JPT2: variants seen among roughly 807,000 people sequenced by gnomAD.
The protein encoded by JPT2 is CRAMP_1 like.
In JPT2, 9 loss-of-function variants were observed where a neutral mutation model predicts 15.9. That is an observed-to-expected ratio of 0.57 (90% CI 0.34 to 0.99). JPT2 has a LOEUF of 0.99. Among genes scored for constraint, JPT2 ranks in the 50% least tolerant of loss-of-function variants. The probability of loss-of-function intolerance (pLI) is 0.02; values close to 1 mark genes in which losing one functional copy is unlikely to be tolerated. For missense variants in JPT2, 267 were observed against 252.1 expected, an observed-to-expected ratio of 1.06 and a Z score of -0.40; for synonymous variants, 95 against 91.7, an observed-to-expected ratio of 1.04 and a Z score of -0.21.
intron 3 of JPT2, among the ~76,000 whole-genome samples, chr16:1,696,944 G>A (rs887718396): frequency 1.3e-5 from 2 of 152,184 alleles, no homozygotes; most frequent in African/African-American, 2.4e-5. Flanking sequence ...CCATATGACC[G>A]AATAATTCCA....
Position 1,699,227 on chromosome 16 carries a change from C to G in JPT2, c.*229C>G, listed in dbSNP as rs1329219931. ...AAATGGGGCACCCCTGGCCATCACT[C>G]ATGTGTAGTCCAGGTTTGAGAGGAA... On this transcript the variant is annotated 3_prime_UTR_variant, in exon 5 of 5. Coordinates refer to ENST00000248098, the MANE Select transcript of JPT2 (RefSeq NM_144570.3). 2 of 650,956 alleles carry G rather than the reference C, an allele frequency of 3.1e-6. No individual in the cohort carries two copies. Among genetic ancestry groups the G allele is most frequent in the East Asian group, 6.1e-5 (2 of 32,782 alleles). The allele number at this position is 650,956 out of a possible 1,614,324, so 40.3% of individuals were successfully genotyped here.
chr16:1,687,510 C>T (rs558050946), intron 2 of JPT2, among the ~76,000 whole-genome samples: 1 of 152,294 alleles, frequency 6.6e-6, no homozygotes, highest in East Asian at 1.9e-4. Context: ...TGAATCTGCT[C>T]ATTTGGCCCC....
chr16:1,692,323 C>T (rs945553920), intron 3 of JPT2: 5 of 296,152 alleles, frequency 1.7e-5, no homozygotes, highest in Admixed American at 9.6e-5. Context: ...GGCCCTTGTC[C>T]GTCTTCCACT....
chr16:1,683,600 A>G (rs1042532151), intron 1 of JPT2: 3 of 1,534,580 alleles, frequency 2.0e-6, no homozygotes, highest in Non-Finnish European at 2.6e-6. Context: ...GAGGTCGGCC[A>G]GCACACGCTT....
At chr16:1,680,469 A>G (rs7200097) in intron 1 of JPT2, 98,751 of 1,243,780 alleles carry the variant, frequency 0.079, 4,328 homozygotes, top group African/African-American at 0.16. Context: ...GATGGTGAGG[A>G]AGGAAAGCCG....
chr16:1,680,949 A>G (rs2037017849), intron 1 of JPT2, among the ~76,000 whole-genome samples: 1 of 152,178 alleles, frequency 6.6e-6, no homozygotes, highest in Non-Finnish European at 1.5e-5. Context: ...CCAGTGCTGC[A>G]GTCCACTCCA....
intron 3 of JPT2, among the ~76,000 whole-genome samples, chr16:1,693,753 A>G (rs1299487215): frequency 6.6e-6 from 1 of 151,762 alleles, no homozygotes; most frequent in Non-Finnish European, 1.5e-5. Context: ...GTCAGGGAAT[A>G]TACAAAATAA....
chr16:1,679,074 C>A (rs1487376679), intron 1 of JPT2, among the ~76,000 whole-genome samples: 1 of 152,208 alleles, frequency 6.6e-6, no homozygotes, highest in Non-Finnish European at 1.5e-5. Flanking sequence ...ACTGAGCACA[C>A]TTTTCTTATG....
chr16:1,688,250 AG>A (rs1234601666), intron 2 of JPT2: 1 of 152,228 alleles, frequency 6.6e-6, no homozygotes, highest in East Asian at 1.9e-4. Context: ...ATCCCAAGCT[AG>A]TCAGTAGCAG....
rs1012871249 is a variant in JPT2, at chr16:1,700,791, C to T, written c.*1793C>T. ...TATTGAGAAAATGATTCACGAATTC[C>T]AAATCAGATTGCCAGGAAGAAATAG... On this transcript the variant is annotated 3_prime_UTR_variant, in exon 5 of 5. Transcript: ENST00000248098. 1.3e-5 allele frequency: 2 copies of T among 152,346 alleles called. No individual in the cohort carries two copies. The highest frequency in any genetic ancestry group is 4.8e-5 in the African/African-American group (2 of 41,402). The allele number at this position is 152,346 out of a possible 1,614,324, so 9.4% of individuals were successfully genotyped here.
At chr16:1,678,472 A>C in intron 1 of JPT2, 116 bp downstream of exon 1, 1 of 1,044,484 alleles carries the variant, frequency 9.6e-7, no homozygotes, top group South Asian at 4.8e-5. Context: ...GGGCAGGGCG[A>C]CCTCACAGAG....
intron 2 of JPT2, among the ~76,000 whole-genome samples, chr16:1,687,912 AT>A (rs1395828271): frequency 6.6e-6 from 1 of 152,152 alleles, no homozygotes; most frequent in Non-Finnish European, 1.5e-5. Flanking sequence ...GCAGGGCTTG[AT>A]TGAGAAAAGT....
At chr16:1,678,548 G>A (rs1277993440) in intron 1 of JPT2, among the ~76,000 whole-genome samples, 192 bp downstream of exon 1, 1 of 152,120 alleles carries the variant, frequency 6.6e-6, no homozygotes, top group East Asian at 1.9e-4. Context: ...CCGAGGGGCC[G>A]CTCGCTGAGG....
At chr16:1,684,437 T>C (rs2037048368) in intron 1 of JPT2, among the ~76,000 whole-genome samples, 1 of 152,146 alleles carries the variant, frequency 6.6e-6, no homozygotes, top group Non-Finnish European at 1.5e-5. Flanking sequence ...GTTTAAGTTT[T>C]TACAATAAAA....
chr16:1,680,344 C>G, intron 1 of JPT2: 1 of 1,001,744 alleles, frequency 1.0e-6, no homozygotes, highest in Non-Finnish European at 1.2e-6. Context: ...TTTATATTGA[C>G]TTTCACGCTC....
In JPT2 at chr16:1,678,354, C is replaced by G. The variant is rs906406528; in HGVS notation, c.42C>G (p.Ser14=). ...VPDSEGGRAG[S]RAMKPPGGES... is the part of the protein sequence containing the mutation. ...ATAGCGAGGGCGGCCGCGCCGGCTC[C>G]AGGTGCGGCGCGGGGCACACGGGAG... The change falls in exon 1 of 5, where the codon TCC becomes TCG. Residue 14 remains serine (S), a splice_region_variant and synonymous_variant. Coordinates refer to ENST00000248098, the MANE Select transcript of JPT2 (RefSeq NM_144570.3). 13 of 1,231,996 alleles carry G rather than the reference C, an allele frequency of 1.1e-5. No homozygotes were observed. The highest frequency in any genetic ancestry group is 8.5e-5 in the Admixed American group (2 of 23,640). 76.3% of individuals were successfully genotyped at this position (1,231,996 alleles called of 1,614,324 possible). A position where few individuals can be genotyped will look rare whatever the true frequency, so the allele number is the denominator to read the frequency against.
At chr16:1,683,218 C>T (rs555044279) in intron 1 of JPT2, among the ~76,000 whole-genome samples, 6 of 152,242 alleles carry the variant, frequency 3.9e-5, no homozygotes, top group Non-Finnish European at 5.9e-5. Context: ...CCTCGTGATC[C>T]GCCCACCTCG....
downstream of JPT2, among the ~76,000 whole-genome samples, chr16:1,702,558 T>G (rs1567122078): frequency 6.6e-6 from 1 of 152,238 alleles, no homozygotes; most frequent in Non-Finnish European, 1.5e-5. Flanking sequence ...ACACAGGCTC[T>G]TTTGATGTCA....
In JPT2 at chr16:1,699,299, G is replaced by T. The variant is rs1596511130; in HGVS notation, c.*301G>T. ...GGAGGTGGGGCAGGGCATGGTCCTT[G>T]GATCAACAGCCCGCCAGCTGATTGG... On this transcript the variant is annotated 3_prime_UTR_variant, in exon 5 of 5. Transcript: ENST00000248098. 3.5e-6 allele frequency: 2 copies of T among 578,170 alleles called. No homozygotes were observed. Among genetic ancestry groups the T allele is most frequent in the East Asian group, 3.9e-5 (1 of 25,720 alleles). The allele number at this position is 578,170 out of a possible 1,614,324, so 35.8% of individuals were successfully genotyped here.
Sources: gnomAD v4.1 joint callset for allele counts (sites outside exome capture counted in the v4.1 genomes callset) on GRCh38, gnomAD v4.1.1 for gene constraint, MANE v1.5 for transcripts, NCBI Gene and HGNC (gene_info 2026-07-23, HGNC 2026-07-21) for gene names.